The following TIPIN variants were observed in gnomAD, a reference collection of about 807,000 sequenced individuals.
The protein encoded by TIPIN is TIMELESS interacting protein.
TIPIN carries 29 observed loss-of-function variants against 35.6 expected under a neutral mutation model. That is an observed-to-expected ratio of 0.82 (90% CI 0.61 to 1.11). TIPIN has a LOEUF of 1.11. Ranked by LOEUF, TIPIN falls within the 50% of genes most tolerant of loss-of-function variation. The probability of loss-of-function intolerance (pLI) is 0.00; values close to 1 mark genes in which losing one functional copy is unlikely to be tolerated. For synonymous variants in TIPIN, 102 were observed against 121.5 expected (o/e 0.84, Z 1.06); for missense variants, 296 against 345.4 (o/e 0.86, Z 1.13).
At position 66,352,745 on chromosome 15, in the gene TIPIN, T is replaced by C. The variant is rs978636399; in HGVS notation, c.133+70A>G. On this transcript the variant is annotated intron_variant, in intron 2 of 7. Transcript: ENST00000261881. Reference sequence around the variant, plus strand: ...ATCCGCCCGCCTCAGCATCCCAAAGTGCTGGAATTACAGGCATGAGCCACC... The same window carrying C: ...ATCCGCCCGCCTCAGCATCCCAAAGCGCTGGAATTACAGGCATGAGCCACC... 3.4e-6 allele frequency: 5 copies of C among 1,481,656 alleles called. No homozygotes were observed. The African/African-American group carries it at 7.0e-5, about 21-fold the overall frequency. 91.8% of individuals were successfully genotyped at this position (1,481,656 alleles called of 1,614,324 possible). A position where few individuals can be genotyped will look rare whatever the true frequency, so the allele number is the denominator to read the frequency against.
At position 66,337,119 on chromosome 15, in the gene TIPIN, T is replaced by C. The variant is rs575302613; in HGVS notation, c.745A>G (p.Lys249Glu). The C allele has an allele frequency of 1.4e-5, 23 of 1,614,048 alleles. No individual in the cohort carries two copies. Among genetic ancestry groups the C allele is most frequent in the African/African-American group, 4.0e-5 (3 of 75,000 alleles). ...VEEVNTDEDQ[K>E]EESNGLNEDI... is the part of the protein sequence containing the mutation. ...TCGTTTAATCCATTTGACTCCTCCTTTTGATCCTCATCAGTATTAACCTCT... is the reference window on the plus strand; with the variant it reads ...TCGTTTAATCCATTTGACTCCTCCTCTTGATCCTCATCAGTATTAACCTCT... Residue 249 changes from lysine to glutamate, a missense_variant, in exon 8 of 8, where the codon AAG becomes GAG. Physicochemically the swap from Lys to Glu is moderately conservative, Grantham distance 56. Transcript: ENST00000261881.
intron 1 of TIPIN, chr15:66,383,533 G>A (rs79509081): frequency 0.089 from 85,909 of 968,502 alleles, 4,257 homozygotes; most frequent in East Asian, 0.34. Flanking sequence ...CAAAGTGCTG[G>A]GATTAAAGGT....
chr15:66,371,136 A>G, intron 1 of TIPIN: 1 of 678,926 alleles, frequency 1.5e-6, no homozygotes, highest in Non-Finnish European at 1.8e-6. Context: ...ACTTGAGCCC[A>G]GGAGGCAGAG....
chr15:66,373,932 G>C (rs2093286717), intron 1 of TIPIN, among the ~76,000 whole-genome samples: 2 of 151,994 alleles, frequency 1.3e-5, no homozygotes, highest in African/African-American at 4.8e-5. Flanking sequence ...TGAACTCCTG[G>C]GCTCAAGCGA....
rs948233265 is a variant in TIPIN at position 66,341,420 on chromosome 15, A to G, written c.476-64T>C. 3 of 1,450,584 alleles carry G rather than the reference A, an allele frequency of 2.1e-6. No homozygotes were observed. The African/African-American group carries it at 4.3e-5, about 21-fold the overall frequency. 89.9% of individuals were successfully genotyped at this position (1,450,584 alleles called of 1,614,324 possible). On this transcript the variant is annotated intron_variant, in intron 6 of 7. Coordinates refer to ENST00000261881, the MANE Select transcript of TIPIN (RefSeq NM_017858.3). The stretch of plus-strand genomic sequence containing the variant: ...CTAGTTAGAGAAGGGCTTCTCATTG[A>G]AAAAGAATTTAAAGTGGCAAGGTGA...
chr15:66,337,531 A>G (rs1040987000), intron 7 of TIPIN, among the ~76,000 whole-genome samples: 2 of 152,020 alleles, frequency 1.3e-5, no homozygotes, highest in African/African-American at 2.4e-5. Flanking sequence ...TATGTTGGCC[A>G]GGCTGGTCTC....
chr15:66,355,004 C>T (rs2093193614), intron 1 of TIPIN, among the ~76,000 whole-genome samples: 1 of 149,330 alleles, frequency 6.7e-6, no homozygotes, highest in African/African-American at 2.4e-5. Flanking sequence ...AATGCTGTTA[C>T]ACAGCAAGTG....
rs1223575420 is a variant in TIPIN at position 66,386,291 on chromosome 15, TA to T, written c.-9+315del. Reference sequence around the variant, plus strand: ...TGGGCAACTGAGGGAGACACCGTCTTAAAAAAAAAAAAGTTCCCAAGTCTAA... The same window carrying T: ...TGGGCAACTGAGGGAGACACCGTCTTAAAAAAAAAAAGTTCCCAAGTCTAA... On this transcript the variant is annotated intron_variant, in intron 1 of 7. Coordinates refer to the TIPIN transcript ENST00000562124. 1.3e-3 allele frequency: 184 copies of T among 137,236 alleles called. 1 individual carries two copies. The highest frequency in any genetic ancestry group is 1.3e-3 in the African/African-American group (49 of 37,454). The allele number at this position is 137,236 out of a possible 1,614,324, so 8.5% of individuals were successfully genotyped here.
At chr15:66,372,513 T>A (rs377378559) in intron 1 of TIPIN, among the ~76,000 whole-genome samples, 7 of 152,322 alleles carry the variant, frequency 4.6e-5, no homozygotes, top group Admixed American at 2.0e-4. Flanking sequence ...TGCCATAAAC[T>A]TTCTTGTAAA....
Position 66,341,374 on chromosome 15 carries a change from T to TG in TIPIN, c.476-19_476-18insC. On this transcript the variant is annotated intron_variant, in intron 6 of 7. Coordinates refer to ENST00000261881, the MANE Select transcript of TIPIN (RefSeq NM_017858.3). ...AACTTCATCTGCAATAGAAAAGAAATAGTACATCTGTGGTGTTAGACTAGT... is the reference window on the plus strand; with the variant it reads ...AACTTCATCTGCAATAGAAAAGAAATGAGTACATCTGTGGTGTTAGACTAGT... 2 of 1,597,470 alleles carry TG rather than the reference T, an allele frequency of 1.3e-6. No homozygotes were observed. The highest frequency in any genetic ancestry group is 1.7e-6 in the Non-Finnish European group (2 of 1,170,908).
chr15:66,352,631 G>A (rs2093175691), intron 2 of TIPIN, among the ~76,000 whole-genome samples, 184 bp downstream of exon 2: 2 of 151,488 alleles, frequency 1.3e-5, no homozygotes, highest in African/African-American at 2.4e-5. Context: ...TTTTACCACA[G>A]CCACCACACC....
chr15:66,343,050 G>A (rs1352068330), intron 6 of TIPIN, among the ~76,000 whole-genome samples: 2 of 152,172 alleles, frequency 1.3e-5, no homozygotes, highest in Non-Finnish European at 2.9e-5. Context: ...GTAAAAGGGT[G>A]GAGAATGGGG....
At position 66,349,110 on chromosome 15, in the gene TIPIN, C is replaced by A. The variant is rs76072153; in HGVS notation, c.425G>T (p.Arg142Leu). Residue 142 changes from arginine (R) to leucine (L), a missense_variant, in exon 6 of 8, where the codon CGA (arginine) becomes CTA (leucine). Physicochemically the swap from Arg to Leu is moderately radical, Grantham distance 102. Transcript: ENST00000261881. ...SKKEVQTCLKRIRLDLPILHE... is the reference protein window; with the variant it reads ...SKKEVQTCLKLIRLDLPILHE... Reference sequence around the variant, plus strand: ...TAAAATAGGGAGATCAAGTCGAATTCGTTTTAAACAGGTCTGAAAATGAAA... The same window carrying A: ...TAAAATAGGGAGATCAAGTCGAATTAGTTTTAAACAGGTCTGAAAATGAAA... 1 of 1,610,462 alleles carries A rather than the reference C, an allele frequency of 6.2e-7. No individual in the cohort carries two copies.
chr15:66,359,042 CA>C (rs759382097), upstream of TIPIN, among the ~76,000 whole-genome samples: 2,095 of 133,008 alleles, frequency 0.016, 34 homozygotes, highest in African/African-American at 0.045. Context: ...GACTCTGTCT[CA>C]AAAAAAAAAA....
At chr15:66,380,583 G>A (rs937810440) in intron 1 of TIPIN, among the ~76,000 whole-genome samples, 5 of 152,066 alleles carry the variant, frequency 3.3e-5, no homozygotes, top group African/African-American at 1.2e-4. Context: ...GGGAGGCCGA[G>A]GTGGGTGAAT....
chr15:66,384,233 G>C (rs1198862792), intron 1 of TIPIN, among the ~76,000 whole-genome samples: 2 of 151,034 alleles, frequency 1.3e-5, no homozygotes, highest in Non-Finnish European at 2.9e-5. Flanking sequence ...TCCTGACCTC[G>C]TGATCTGCCC....
At chr15:66,341,997 A>G (rs62627323) in intron 6 of TIPIN, among the ~76,000 whole-genome samples, 12,681 of 152,172 alleles carry the variant, frequency 0.083, 505 homozygotes, top group Non-Finnish European at 0.086. Context: ...CAGTCTGGCC[A>G]ACATGGTGAA....
At chr15:66,386,066 G>C (rs1205785394) in intron 1 of TIPIN, among the ~76,000 whole-genome samples, 1 of 152,192 alleles carries the variant, frequency 6.6e-6, no homozygotes, top group African/African-American at 2.4e-5. Context: ...ACCGCTCCTG[G>C]CCCGAAAGAG....
chr15:66,365,241 C>T (rs1237951637), intron 1 of TIPIN, among the ~76,000 whole-genome samples: 1 of 152,016 alleles, frequency 6.6e-6, no homozygotes, highest in Admixed American at 6.6e-5. Flanking sequence ...AAGATGGTGG[C>T]GAAAGTGACC....
Sources: allele counts gnomAD v4.1 joint callset (sites outside exome capture counted in the v4.1 genomes callset), GRCh38; gene constraint gnomAD v4.1.1; transcripts MANE v1.5; gene names NCBI Gene and HGNC (gene_info 2026-07-23, HGNC 2026-07-21).